OR52K1: variants seen among roughly 807,000 people sequenced by gnomAD.
The protein encoded by OR52K1 is olfactory receptor family 52 subfamily K member 1.
In OR52K1, 10 loss-of-function variants were observed where a neutral mutation model predicts 8.7. The ratio of observed to expected loss-of-function variants is 1.15; its 90% confidence interval spans 0.71 to 1.95. The LOEUF (loss-of-function observed/expected upper bound fraction) is 1.95. Ranked by LOEUF, OR52K1 falls within the 30% of genes most tolerant of loss-of-function variation. The pLI is 0.00. For synonymous variants in OR52K1, 203 were observed against 148.5 expected (o/e 1.37, Z -2.67); for missense variants, 431 against 397.2 (o/e 1.08, Z -0.72).
Position 4,488,820 on chromosome 11 carries a change from C to G in OR52K1, c.-81C>G, listed in dbSNP as rs370734203. 22 of 995,018 alleles carry G rather than the reference C, an allele frequency of 2.2e-5. No homozygotes were observed. In the African/African-American group the frequency reaches 3.4e-4, roughly 15 times the overall value. 61.6% of individuals were successfully genotyped at this position (995,018 alleles called of 1,614,324 possible). ...TGCAGGTGGGATAGCACAGGTTGAA[C>G]TCTAATCATATATACTGTAGAAGGT... is the stretch of plus-strand genomic sequence containing the variant. On this transcript the variant is annotated 5_prime_UTR_variant, in exon 2 of 2. Coordinates refer to ENST00000641528, the MANE Select transcript of OR52K1 (RefSeq NM_001005171.3).
rs1265385480 is a variant in OR52K1 at position 4,483,003 on chromosome 11, C to T, written c.-502C>T. 4 of 395,866 alleles carry T rather than the reference C, an allele frequency of 1.0e-5. No individual in the cohort carries two copies. The highest frequency in any genetic ancestry group is 1.8e-5 in the Non-Finnish European group (4 of 224,614). 24.5% of individuals were successfully genotyped at this position (395,866 alleles called of 1,614,324 possible). On this transcript the variant is annotated 5_prime_UTR_variant, in exon 1 of 2. Transcript: ENST00000641528. Reference sequence around the variant, plus strand: ...GCCTGCTTCCGTCCTATGCCAAACACTGTGGGCCATCTCCAAGAAGTCTTA... The same window carrying T: ...GCCTGCTTCCGTCCTATGCCAAACATTGTGGGCCATCTCCAAGAAGTCTTA...
chr11:4,488,115 T>C (rs1022685241), intron 1 of OR52K1, among the ~76,000 whole-genome samples: 2 of 152,156 alleles, frequency 1.3e-5, no homozygotes, highest in Admixed American at 6.5e-5. Context: ...AAAAAGGACG[T>C]TTCATTTTCT....
rs1222587256 is a variant in OR52K1, at chr11:4,490,703, T to A, written c.*858T>A. The stretch of plus-strand genomic sequence containing the variant: ...TAATGAAGTTTTGGTCAGTAATGGA[T>A]CACCTATATGATGGTGATTGCATAA... On this transcript the variant is annotated 3_prime_UTR_variant, in exon 2 of 2. Coordinates refer to ENST00000641528, the MANE Select transcript of OR52K1 (RefSeq NM_001005171.3). 1 of 152,190 alleles carries A rather than the reference T, an allele frequency of 6.6e-6. No individual in the cohort carries two copies. The highest frequency in any genetic ancestry group is 2.4e-5 in the African/African-American group (1 of 41,444). 9.4% of individuals were successfully genotyped at this position (152,190 alleles called of 1,614,324 possible). A position where few individuals can be genotyped will look rare whatever the true frequency, so the allele number is the denominator to read the frequency against.
intron 1 of OR52K1, among the ~76,000 whole-genome samples, chr11:4,487,719 T>G (rs140086612): frequency 4.4e-4 from 67 of 152,342 alleles, no homozygotes; most frequent in African/African-American, 1.5e-3. Flanking sequence ...GACCCAGTTT[T>G]TGTTTTCAAT....
rs1446242426 is a variant in OR52K1, at chr11:4,488,673, A to G, written c.-228A>G. 1.7e-5 allele frequency: 9 copies of G among 532,736 alleles called. No homozygotes were observed. The East Asian group carries it at 1.9e-4, about 11-fold the overall frequency. The allele number at this position is 532,736 out of a possible 1,614,324, so 33.0% of individuals were successfully genotyped here. On this transcript the variant is annotated 5_prime_UTR_variant, in exon 2 of 2. Coordinates refer to ENST00000641528, the MANE Select transcript of OR52K1 (RefSeq NM_001005171.3). ...TAAATATCCATAGAATTGATATCCCATCTACTCAATGAGATTCAAATTTCT... is the reference window on the plus strand; with the variant it reads ...TAAATATCCATAGAATTGATATCCCGTCTACTCAATGAGATTCAAATTTCT...
At position 4,489,532 on chromosome 11, in the gene OR52K1, T is replaced by A; in HGVS notation, c.632T>A (p.Leu211Ter). The A allele has an allele frequency of 6.2e-7, 1 of 1,614,270 alleles. No homozygotes were observed. Among genetic ancestry groups the A allele is most frequent in the East Asian group, 2.2e-5 (1 of 44,888 alleles). ...GCTGTGGCCATGTTTATTGTGGTGTTGGACCTGCTCTTTGTTATCCTGTCT... is the reference window on the plus strand; with the variant it reads ...GCTGTGGCCATGTTTATTGTGGTGTAGGACCTGCTCTTTGTTATCCTGTCT... ...GIAVAMFIVV[L>*]DLLFVILSYV... is the part of the protein sequence containing the mutation. The change falls in exon 2 of 2, where the codon TTG (leucine) becomes TAG (stop). Residue 211 changes from leucine to a stop codon, truncating the protein, a stop_gained. Coordinates refer to ENST00000641528, the MANE Select transcript of OR52K1 (RefSeq NM_001005171.3). LOFTEE classifies it high-confidence loss of function.
In OR52K1 at chr11:4,492,880, G is replaced by A. The variant is rs548163268; in HGVS notation, c.*3035G>A. 4.6e-4 allele frequency: 90 copies of A among 195,372 alleles called. 2 individuals are homozygous for A. In the South Asian group the frequency reaches 7.4e-3, roughly 16 times the overall value. The allele number at this position is 195,372 out of a possible 1,614,324, so 12.1% of individuals were successfully genotyped here. A position where few individuals can be genotyped will look rare whatever the true frequency, so the allele number is the denominator to read the frequency against. On this transcript the variant is annotated 3_prime_UTR_variant, in exon 2 of 2. Coordinates refer to ENST00000641528, the MANE Select transcript of OR52K1 (RefSeq NM_001005171.3). ...CCAGTACCACCAAGATGCAGAGACC[G>A]GTAGTGGCCCCGAATGCCTGGCTGC...
chr11:4,484,833 G>C (rs2566274), intron 1 of OR52K1, among the ~76,000 whole-genome samples: 10,891 of 113,606 alleles, frequency 0.096, 750 homozygotes, highest in African/African-American at 0.24. Context: ...AAAACACACA[G>C]ACACACACAC....
intron 1 of OR52K1, among the ~76,000 whole-genome samples, chr11:4,487,383 C>T (rs1846329311): frequency 6.6e-6 from 1 of 152,170 alleles, no homozygotes; most frequent in Admixed American, 6.6e-5. Flanking sequence ...GGAAATAGCA[C>T]TGAACTACCT....
In OR52K1 at chr11:4,491,027, G is replaced by C. The variant is rs1017684124; in HGVS notation, c.*1182G>C. ...TAAATACACTCTATGATGTTCACAG[G>C]TTGATAAAATCACCTGAGGACACAT... On this transcript the variant is annotated 3_prime_UTR_variant, in exon 2 of 2. Coordinates refer to ENST00000641528, the MANE Select transcript of OR52K1 (RefSeq NM_001005171.3). 1 of 152,126 alleles carries C rather than the reference G, an allele frequency of 6.6e-6. No homozygotes were observed. The highest frequency in any genetic ancestry group is 1.5e-5 in the Non-Finnish European group (1 of 68,022). The allele number at this position is 152,126 out of a possible 1,614,324, so 9.4% of individuals were successfully genotyped here.
chr11:4,484,861 C>A (rs7102472), intron 1 of OR52K1, among the ~76,000 whole-genome samples: 7,439 of 151,666 alleles, frequency 0.049, 540 homozygotes, highest in African/African-American at 0.16. Context: ...CACACACACA[C>A]ACACACACAG....
chr11:4,488,518 C>T, intron 1 of OR52K1, 55 bp from the exon 2 acceptor site: 1 of 180,740 alleles, frequency 5.5e-6, no homozygotes, highest in Non-Finnish European at 1.2e-5. Context: ...AGAATGGTAC[C>T]AATGTATGTG....
chr11:4,486,693 C>T (rs1023661746), intron 1 of OR52K1, among the ~76,000 whole-genome samples: 49 of 152,144 alleles, frequency 3.2e-4, no homozygotes, highest in African/African-American at 1.1e-3. Flanking sequence ...CTTTTATTAT[C>T]CTTCTCCAAC....
At chr11:4,484,765 A>C (rs762378274) in intron 1 of OR52K1, among the ~76,000 whole-genome samples, 1 of 151,172 alleles carries the variant, frequency 6.6e-6, no homozygotes, top group Non-Finnish European at 1.5e-5. Context: ...TCTAAGTTTC[A>C]ACTTTTCCCC....
Position 4,490,078 on chromosome 11 carries a change from C to T in OR52K1, c.*233C>T. 2.0e-6 allele frequency: 1 copy of T among 501,260 alleles called. No individual in the cohort carries two copies. Among genetic ancestry groups the T allele is most frequent in the Non-Finnish European group, 3.5e-6 (1 of 282,112 alleles). The allele number at this position is 501,260 out of a possible 1,614,324, so 31.1% of individuals were successfully genotyped here. On this transcript the variant is annotated 3_prime_UTR_variant, in exon 2 of 2. Coordinates refer to ENST00000641528, the MANE Select transcript of OR52K1 (RefSeq NM_001005171.3). ...CCTTCCCATTGTCATAGACTCATCA[C>T]ATGGCTAAGGAAGACAAACCTCTCA...
rs771917269 is a variant in OR52K1, at chr11:4,490,493, C to A, written c.*648C>A. The A allele has an allele frequency of 1.3e-5, 2 of 152,300 alleles. No homozygotes were observed. 9.4% of individuals were successfully genotyped at this position (152,300 alleles called of 1,614,324 possible). A position where few individuals can be genotyped will look rare whatever the true frequency, so the allele number is the denominator to read the frequency against. ...GATGTTCCTTTTTATCAATTTATAT[C>A]ATGTATCTAGCTTTTCACTGCATGT... On this transcript the variant is annotated 3_prime_UTR_variant, in exon 2 of 2. Coordinates refer to ENST00000641528, the MANE Select transcript of OR52K1 (RefSeq NM_001005171.3).
intron 1 of OR52K1, among the ~76,000 whole-genome samples, chr11:4,483,637 A>G (rs1250563856): frequency 6.6e-6 from 1 of 151,948 alleles, no homozygotes; most frequent in Non-Finnish European, 1.5e-5. Flanking sequence ...TTTTTCTTGT[A>G]TGAAGATGGG....
rs2554920 is a variant in OR52K1 at position 4,492,940 on chromosome 11, G to A, written c.*3095G>A. The A allele has an allele frequency of 0.34, 60,119 of 178,794 alleles. 10,469 individuals carry two copies. The highest frequency in any genetic ancestry group is 0.45 in the African/African-American group (18,639 of 41,718). The allele number at this position is 178,794 out of a possible 1,614,324, so 11.1% of individuals were successfully genotyped here. On this transcript the variant is annotated 3_prime_UTR_variant, in exon 2 of 2. Coordinates refer to ENST00000641528, the MANE Select transcript of OR52K1 (RefSeq NM_001005171.3). ...TATTGGATACAAGGCAAAAGGGGCAGGGTAAAGAGTGTGAGTCATCTCCAA... is the reference window on the plus strand; with the variant it reads ...TATTGGATACAAGGCAAAAGGGGCAAGGTAAAGAGTGTGAGTCATCTCCAA...
Position 4,492,633 on chromosome 11 carries a change from A to G in OR52K1, c.*2788A>G, listed in dbSNP as rs1486707802. ...TCTTCTTACAGCATATCATAAAATT[A>G]TTTCACTTATCTCTGCTTTTGTCTT... On this transcript the variant is annotated 3_prime_UTR_variant, in exon 2 of 2. Coordinates refer to ENST00000641528, the MANE Select transcript of OR52K1 (RefSeq NM_001005171.3). 1 of 152,176 alleles carries G rather than the reference A, an allele frequency of 6.6e-6. No homozygotes were observed. The highest frequency in any genetic ancestry group is 1.5e-5 in the Non-Finnish European group (1 of 68,018). The allele number at this position is 152,176 out of a possible 1,614,324, so 9.4% of individuals were successfully genotyped here.
Sources: gnomAD v4.1 joint callset for allele counts (sites outside exome capture counted in the v4.1 genomes callset) on GRCh38, gnomAD v4.1.1 for gene constraint, MANE v1.5 for transcripts, NCBI Gene and HGNC (gene_info 2026-07-23, HGNC 2026-07-21) for gene names.